The following TREML1 variants were observed in gnomAD, a reference collection of about 807,000 sequenced individuals.
TREML1 encodes triggering receptor expressed on myeloid cells like 1, also known as trem-like transcript 1 protein.
In TREML1, 27 loss-of-function variants were observed where a neutral mutation model predicts 22.8. The ratio of observed to expected loss-of-function variants is 1.19; its 90% CI spans 0.87 to 1.64. TREML1 has a LOEUF of 1.64. TREML1 is among the 40% of genes most tolerant of loss of function. The pLI, the probability that TREML1 is intolerant of heterozygous loss-of-function variation, is 0.00. For missense variants in TREML1, 356 were observed against 382.0 expected (o/e 0.93, Z 0.57); for synonymous variants, 153 against 161.9 (o/e 0.94, Z 0.42).
intron 2 of TREML1, 54 bp from the exon 3 acceptor site, chr6:41,151,438 A>G (rs1461071396): frequency 1.4e-5 from 21 of 1,517,084 alleles, no homozygotes; most frequent in South Asian, 2.2e-5. Context: ...GCATGCCCAT[A>G]TGGGCAGGCT....
intron 4 of TREML1, among the ~76,000 whole-genome samples, chr6:41,150,605 C>G (rs1359636375): frequency 6.6e-6 from 1 of 152,112 alleles, no homozygotes; most frequent in African/African-American, 2.4e-5. Context: ...CCTACCCTTT[C>G]TAATTCCTGT....
Position 41,150,865 on chromosome 6 carries a change from C to G in TREML1, c.522G>C (p.Leu174=). The stretch of plus-strand genomic sequence containing the variant: ...CAGCAAACAGCACCACCGCTGCCAC[C>G]AGCAGACCTACCAGGAGCACAGCAC... The part of the protein sequence containing the change: ...IWGAVLLVGL[L]VAAVVLFAVM... The change falls in exon 4 of 6, where the codon CTG becomes CTC. Residue 174 remains leucine (L), a synonymous_variant. Coordinates refer to ENST00000426005, the MANE Select transcript of TREML1 (RefSeq NM_178174.4). 6.2e-7 allele frequency: 1 copy of G among 1,614,118 alleles called. No homozygotes were observed.
rs771151148 is a variant in TREML1 at position 41,154,244 on chromosome 6, A to G, written c.43+2T>C. 6.2e-7 allele frequency: 1 copy of G among 1,613,784 alleles called. No homozygotes were observed. Among genetic ancestry groups the G allele is most frequent in the Non-Finnish European group, 8.5e-7 (1 of 1,179,860 alleles). On this transcript the variant is annotated splice_donor_variant, in intron 1 of 5. Coordinates refer to ENST00000426005, the MANE Select transcript of TREML1 (RefSeq NM_178174.4). LOFTEE classifies it high-confidence loss of function. The stretch of plus-strand genomic sequence containing the variant: ...AGAGCTGCAGCTCCTCCTGAACCTT[A>G]CCTTCTAGTCCCAGGAGCAGCAGCA...
chr6:41,150,929 G>A (rs2113866599), intron 3 of TREML1, 22 bp from the exon 4 acceptor site: 1 of 1,608,910 alleles, frequency 6.2e-7, no homozygotes, highest in Non-Finnish European at 8.5e-7. Context: ...AAAGGGATAG[G>A]CAGGCTTAGA....
Position 41,150,218 on chromosome 6 carries a change from A to G in TREML1, c.621+43T>C, listed in dbSNP as rs754565665. 4.6e-5 allele frequency: 74 copies of G among 1,607,758 alleles called. No individual in the cohort carries two copies. In the Admixed American group the frequency reaches 6.4e-4, roughly 14 times the overall value. On this transcript the variant is annotated intron_variant, in intron 5 of 5. Transcript: ENST00000426005. ...ACCTCTCAGTGAGTGAGATGAATGG[A>G]AAGTCTGGGGAATTTGGCTGTGGGC...
intron 2 of TREML1, 69 bp downstream of exon 2, chr6:41,153,689 G>A (rs1765336165): frequency 4.1e-6 from 6 of 1,474,674 alleles, no homozygotes; most frequent in African/African-American, 1.4e-5. Context: ...AAGAACCCAT[G>A]AGCCCTGGCA....
At chr6:41,151,828 C>G (rs1057281696) in intron 2 of TREML1, among the ~76,000 whole-genome samples, 9 of 152,184 alleles carry the variant, frequency 5.9e-5, no homozygotes, top group African/African-American at 2.2e-4. Context: ...TCTCATGGGT[C>G]TTAAATGGGG....
rs1414188909 is a variant in TREML1 at position 41,150,294 on chromosome 6, A to C, written c.588T>G (p.Cys196Trp). ...AAACTCTGCTGCTCAGGAATCGGCCACAGACACCAAGCCTGTTCCCTGGCA... is the reference window on the plus strand; with the variant it reads ...AAACTCTGCTGCTCAGGAATCGGCCCCAGACACCAAGCCTGTTCCCTGGCA... ...KRKQGNRLGV[C>W]GRFLSSRVSG... Residue 196 changes from cysteine (C) to tryptophan (W), a missense_variant, in exon 5 of 6, where the codon TGT becomes TGG. Cys to Trp is a radical substitution (Grantham distance 215). Transcript: ENST00000426005. 3 of 1,613,904 alleles carry C rather than the reference A, an allele frequency of 1.9e-6. No individual in the cohort carries two copies. The African/African-American group carries it at 4.0e-5, about 22-fold the overall frequency.
Position 41,149,420 on chromosome 6 carries a change from G to T in TREML1, c.*184C>A. ...CAGTGGGGGAGTTGGGTGCAGGGAG[G>T]TCTTCCCCAAGACATCTCAGTCATG... On this transcript the variant is annotated 3_prime_UTR_variant, in exon 6 of 6. Coordinates refer to ENST00000426005, the MANE Select transcript of TREML1 (RefSeq NM_178174.4). The T allele has an allele frequency of 1.6e-6, 1 of 632,384 alleles. No individual in the cohort carries two copies. Among genetic ancestry groups the T allele is most frequent in the Non-Finnish European group, 2.7e-6 (1 of 374,618 alleles). The allele number at this position is 632,384 out of a possible 1,614,324, so 39.2% of individuals were successfully genotyped here.
chr6:41,152,785 A>T (rs1046047528), intron 2 of TREML1, among the ~76,000 whole-genome samples: 1 of 152,190 alleles, frequency 6.6e-6, no homozygotes, highest in Non-Finnish European at 1.5e-5. Flanking sequence ...AGACACAAGA[A>T]TCACTTGAAC....
At position 41,149,703 on chromosome 6, in the gene TREML1, C is replaced by T. The variant is rs960867549; in HGVS notation, c.837G>A (p.Val279=). 6.2e-6 allele frequency: 10 copies of T among 1,614,056 alleles called. No homozygotes were observed. The African/African-American group carries it at 1.1e-4, about 17-fold the overall frequency. ...PPKVLVCSKP[V]TYATVIFPGG... Reference sequence around the variant, plus strand: ...CCGGGAAGATTACTGTGGCATATGTCACAGGCTTGGAGCAGACCAGGACCT... The same window carrying T: ...CCGGGAAGATTACTGTGGCATATGTTACAGGCTTGGAGCAGACCAGGACCT... The change falls in exon 6 of 6, where the codon GTG becomes GTA. Residue 279 remains valine, a synonymous_variant. Coordinates refer to ENST00000426005, the MANE Select transcript of TREML1 (RefSeq NM_178174.4).
chr6:41,150,113 A>T, intron 5 of TREML1, 148 bp downstream of exon 5: 1 of 1,006,348 alleles, frequency 9.9e-7, no homozygotes, highest in Non-Finnish European at 1.5e-6. Context: ...GGAGACCATT[A>T]GTGTCAAGTT....
rs781216670 is a variant in TREML1, at chr6:41,154,135, C to A, written c.44-45G>T. 5 of 1,589,706 alleles carry A rather than the reference C, an allele frequency of 3.1e-6. No individual in the cohort carries two copies. In the South Asian group the frequency reaches 5.6e-5, roughly 18 times the overall value. On this transcript the variant is annotated intron_variant, in intron 1 of 5. Transcript: ENST00000426005. ...GGGAATTTTGGGCAGGAGCTGGGAG[C>A]ATCTCCCAGCCCAGCTGCTGGTATG...
chr6:41,154,379 C>A, upstream of TREML1: 1 of 1,130,204 alleles, frequency 8.8e-7, no homozygotes, highest in Non-Finnish European at 1.3e-6. Flanking sequence ...CAGAAAGTCA[C>A]TTGGGGTGGG....
rs567327271 is a variant in TREML1, at chr6:41,149,425, C to G, written c.*179G>C. ...GGGGAGTTGGGTGCAGGGAGGTCTT[C>G]CCCAAGACATCTCAGTCATGTCTGA... is the stretch of plus-strand genomic sequence containing the variant. On this transcript the variant is annotated 3_prime_UTR_variant, in exon 6 of 6. Transcript: ENST00000426005. The G allele has an allele frequency of 5.5e-5, 37 of 669,798 alleles. No individual in the cohort carries two copies. The East Asian group carries it at 1.0e-3, about 18-fold the overall frequency. The allele number at this position is 669,798 out of a possible 1,614,324, so 41.5% of individuals were successfully genotyped here.
upstream of TREML1, among the ~76,000 whole-genome samples, chr6:41,154,698 C>T (rs1765376413): frequency 6.6e-6 from 1 of 152,290 alleles, no homozygotes; most frequent in Admixed American, 6.5e-5. Flanking sequence ...GCCATTCTTG[C>T]TCTCAATTCT....
Position 41,154,168 on chromosome 6 carries a change from C to G in TREML1, c.43+78G>C, listed in dbSNP as rs1765361391. ...AGCCCAGCTGCTGGTATGGGTGTGG[C>G]ATTCACAATAACACGTTACTCCTGG... is the stretch of plus-strand genomic sequence containing the variant. On this transcript the variant is annotated intron_variant, in intron 1 of 5. Coordinates refer to ENST00000426005, the MANE Select transcript of TREML1 (RefSeq NM_178174.4). 3.8e-6 allele frequency: 6 copies of G among 1,587,146 alleles called. No individual in the cohort carries two copies. The Admixed American group carries it at 1.0e-4, about 27-fold the overall frequency.
intron 2 of TREML1, among the ~76,000 whole-genome samples, chr6:41,151,955 C>G (rs1765263468): frequency 6.6e-6 from 1 of 152,180 alleles, no homozygotes; most frequent in South Asian, 2.1e-4. Flanking sequence ...TTGCTGAGAG[C>G]CTTGCTGGGA....
Position 41,153,962 on chromosome 6 carries a change from C to G in TREML1, c.172G>C (p.Gly58Arg). ...QKVWCRFLPE[G>R]CQPLVSSAVD... is the part of the protein sequence containing the mutation. ...GCTGAGGACACCAGGGGCTGGCACC[C>G]CTCCGGCAAGAACCGGCACCACACC... Residue 58 changes from glycine to arginine, a missense_variant, in exon 2 of 6, where the codon GGG (glycine) becomes CGG (arginine). Physicochemically the swap from Gly to Arg is moderately radical, Grantham distance 125. Coordinates refer to ENST00000426005, the MANE Select transcript of TREML1 (RefSeq NM_178174.4). 6.2e-7 allele frequency: 1 copy of G among 1,614,206 alleles called. No individual in the cohort carries two copies. The highest frequency in any genetic ancestry group is 1.1e-5 in the South Asian group (1 of 91,082).
Sources: gnomAD v4.1 joint callset for allele counts (sites outside exome capture counted in the v4.1 genomes callset) on GRCh38, gnomAD v4.1.1 for gene constraint, MANE v1.5 for transcripts, NCBI Gene and HGNC (gene_info 2026-07-23, HGNC 2026-07-21) for gene names.